The following SLCO2A1 variants were observed in gnomAD, a reference collection of about 807,000 sequenced individuals.
SLCO2A1 encodes the protein solute carrier organic anion transporter family member 2A1.
Under a neutral mutation model 71.7 loss-of-function variants are expected in SLCO2A1, and 60 were observed. The ratio of observed to expected loss-of-function variants is 0.84; its 90% CI spans 0.68 to 1.04. The LOEUF (loss-of-function observed/expected upper bound fraction) is 1.04. SLCO2A1 is among the 50% of genes least tolerant of loss of function. SLCO2A1 has a pLI of 0.00. For synonymous variants in SLCO2A1, 308 were observed against 326.7 expected (o/e 0.94, Z 0.62); for missense variants, 745 against 813.4 (o/e 0.92, Z 1.02).
Position 133,945,157 on chromosome 3 carries a change from G to C in SLCO2A1, c.1399C>G (p.Leu467Val), listed in dbSNP as rs764444162. The C allele has an allele frequency of 1.2e-6, 2 of 1,614,112 alleles. No homozygotes were observed. The highest frequency in any genetic ancestry group is 8.5e-7 in the Non-Finnish European group (1 of 1,179,988). Residue 467 changes from leucine to valine, a missense_variant, in exon 10 of 14, where the codon CTC (leucine) becomes GTC (valine). Transcript: ENST00000310926. ...CTGCAGCCGGCATGGCAAGGGGAGA[G>C]GTACTCGATTCCATTGTCTCCACAG... is the stretch of plus-strand genomic sequence containing the variant. ...PVCGDNGIEY[L>V]SPCHAGCSNI...
At chr3:133,969,027 A>G (rs73861290) in intron 3 of SLCO2A1, among the ~76,000 whole-genome samples, 24,798 of 151,998 alleles carry the variant, frequency 0.16, 2,188 homozygotes, top group Middle Eastern at 0.23. Flanking sequence ...TTCCTTTCCC[A>G]TGTTCGTTTC....
At chr3:133,977,081 C>T (rs1934477423) in intron 2 of SLCO2A1, among the ~76,000 whole-genome samples, 1 of 152,174 alleles carries the variant, frequency 6.6e-6, no homozygotes, top group African/African-American at 2.4e-5. Context: ...GGGCTCTCTT[C>T]TCACATCCCC....
intron 1 of SLCO2A1, among the ~76,000 whole-genome samples, chr3:133,987,813 G>C (rs1192774083): frequency 6.6e-6 from 1 of 152,246 alleles, no homozygotes; most frequent in African/African-American, 2.4e-5. Flanking sequence ...CAGGGCAGGA[G>C]ATGTGGCTGG....
chr3:133,981,071 G>A (rs980394052), intron 1 of SLCO2A1, among the ~76,000 whole-genome samples: 2 of 152,194 alleles, frequency 1.3e-5, no homozygotes, highest in South Asian at 2.1e-4. Flanking sequence ...TCACAAATGG[G>A]GAAACTGAAG....
chr3:133,935,911 C>T lies in SLCO2A1; in HGVS notation c.1691-14G>A. The T allele has an allele frequency of 6.3e-7, 1 of 1,577,644 alleles. No homozygotes were observed. Among genetic ancestry groups the T allele is most frequent in the Admixed American group, 1.8e-5 (1 of 56,506 alleles). On this transcript the variant is annotated splice_polypyrimidine_tract_variant and intron_variant, in intron 12 of 13. Transcript: ENST00000310926. ...ATGGCAGCCAGGCTGGAAGAGGGTT[C>T]AGAAAGCCCTGGTCAGGTGGAACTG...
chr3:134,027,768 C>A (rs1576465962), intron 1 of SLCO2A1, among the ~76,000 whole-genome samples: 1 of 152,172 alleles, frequency 6.6e-6, no homozygotes. Context: ...CAGTTATTGC[C>A]CCAGGAGGGA....
intron 1 of SLCO2A1, among the ~76,000 whole-genome samples, chr3:133,985,091 C>G (rs116438678): frequency 1.0e-3 from 159 of 152,308 alleles, no homozygotes; most frequent in Non-Finnish European, 2.0e-3. Context: ...TTTAACTTCC[C>G]GGTTGCTTTC....
intron 1 of SLCO2A1, among the ~76,000 whole-genome samples, chr3:133,983,552 C>A (rs1934641765): frequency 6.6e-6 from 1 of 152,258 alleles, no homozygotes; most frequent in South Asian, 2.1e-4. Flanking sequence ...GTCCTTCAAA[C>A]ACATCAAGGT....
At chr3:133,980,178 C>T (rs1201260175) in intron 1 of SLCO2A1, among the ~76,000 whole-genome samples, 2 of 152,230 alleles carry the variant, frequency 1.3e-5, no homozygotes, top group Non-Finnish European at 2.9e-5. Context: ...GATGCAATCC[C>T]CAAAGCACCT....
At chr3:134,020,493 A>G (rs114341469) in intron 1 of SLCO2A1, among the ~76,000 whole-genome samples, 1,654 of 152,352 alleles carry the variant, frequency 0.011, 32 homozygotes, top group African/African-American at 0.036. Flanking sequence ...CATTTGCCCC[A>G]GTGGGACGCC....
chr3:134,029,165 C>G (rs554686427), intron 1 of SLCO2A1, among the ~76,000 whole-genome samples: 1 of 152,218 alleles, frequency 6.6e-6, no homozygotes, highest in East Asian at 1.9e-4. Flanking sequence ...AGCAGAGCCC[C>G]CCGCCCCCGT....
intron 1 of SLCO2A1, among the ~76,000 whole-genome samples, chr3:134,020,466 G>C (rs1935550120): frequency 6.6e-6 from 1 of 152,242 alleles, no homozygotes; most frequent in African/African-American, 2.4e-5. Flanking sequence ...CAGATCCTGA[G>C]AGCGCTCAGG....
At chr3:133,948,437 G>A in intron 8 of SLCO2A1, 99 bp downstream of exon 8, 1 of 1,275,964 alleles carries the variant, frequency 7.8e-7, no homozygotes, top group East Asian at 2.3e-5. Flanking sequence ...CCCTGCCTAT[G>A]TCCGGTCTGG....
chr3:133,979,712 G>T, intron 1 of SLCO2A1, 94 bp from the exon 2 acceptor site: 1 of 1,388,088 alleles, frequency 7.2e-7, no homozygotes, highest in Non-Finnish European at 9.7e-7. Flanking sequence ...GCTGACCTCT[G>T]TTTCCTCGCC....
At position 133,963,705 on chromosome 3, in the gene SLCO2A1, A is replaced by T. The variant is rs183829438; in HGVS notation, c.398-8512T>A. On this transcript the variant is annotated intron_variant, in intron 3 of 13. Coordinates refer to ENST00000310926, the MANE Select transcript of SLCO2A1 (RefSeq NM_005630.3). ...CAGAAGCAATCCATAAGAGAACAAC[A>T]GAGAAAGGCAGGGGTGTTTCCAGAG... 4.6e-5 allele frequency among the ~76,000 whole-genome samples: 7 copies of T among 152,352 alleles called. No individual in the cohort carries two copies. The East Asian group carries it at 1.4e-3, about 29-fold the overall frequency.
chr3:133,960,584 A>C (rs1449008498), intron 3 of SLCO2A1, among the ~76,000 whole-genome samples: 1 of 152,232 alleles, frequency 6.6e-6, no homozygotes, highest in East Asian at 1.9e-4. Flanking sequence ...TAACAGATAC[A>C]GAATTTTAGT....
intron 1 of SLCO2A1, among the ~76,000 whole-genome samples, chr3:134,006,419 G>C (rs1935216190): frequency 6.6e-6 from 1 of 152,082 alleles, no homozygotes; most frequent in South Asian, 2.1e-4. Flanking sequence ...TCCATCTCTA[G>C]AACTCTTTTC....
At chr3:134,001,232 T>A (rs1935097628) in intron 1 of SLCO2A1, among the ~76,000 whole-genome samples, 2 of 152,152 alleles carry the variant, frequency 1.3e-5, no homozygotes, top group South Asian at 4.2e-4. Context: ...TGCCTCAGCA[T>A]CCCAAGTAGC....
At chr3:133,977,457 C>T (rs1303284154) in intron 2 of SLCO2A1, among the ~76,000 whole-genome samples, 1 of 152,184 alleles carries the variant, frequency 6.6e-6, no homozygotes, top group East Asian at 1.9e-4. Context: ...TCCGGGCCCA[C>T]ATTTTTGTTC....
Sources: gnomAD v4.1 joint callset for allele counts (sites outside exome capture counted in the v4.1 genomes callset) on GRCh38, gnomAD v4.1.1 for gene constraint, MANE v1.5 for transcripts, NCBI Gene and HGNC (gene_info 2026-07-23, HGNC 2026-07-21) for gene names.